The following PPP1R1C variants were observed in gnomAD, a reference collection of about 807,000 sequenced individuals.
The protein encoded by PPP1R1C is protein phosphatase 1 regulatory inhibitor subunit 1C.
A neutral mutation model predicts 17.4 loss-of-function variants in PPP1R1C; 15 were observed. That is an observed-to-expected ratio of 0.86 (90% CI 0.58 to 1.33). PPP1R1C has a LOEUF of 1.33. PPP1R1C is among the 40% of genes most tolerant of loss of function. The probability of loss-of-function intolerance (pLI) is 0.00; values close to 1 mark genes in which losing one functional copy is unlikely to be tolerated. For synonymous variants in PPP1R1C, 35 were observed against 43.1 expected (o/e 0.81, Z 0.73); for missense variants, 143 against 130.0 (o/e 1.10, Z -0.48).
intron 2 of PPP1R1C, among the ~76,000 whole-genome samples, chr2:182,015,233 T>C (rs1686224833): frequency 6.6e-6 from 1 of 152,162 alleles, no homozygotes; most frequent in African/African-American, 2.4e-5. Flanking sequence ...ATGGGGGCAG[T>C]TTACCCCGTA....
At chr2:182,081,313 A>C (rs1223076268) in intron 4 of PPP1R1C, among the ~76,000 whole-genome samples, 1 of 152,208 alleles carries the variant, frequency 6.6e-6, no homozygotes, top group Non-Finnish European at 1.5e-5. Context: ...AATAGCGGCT[A>C]TCAGTATTGT....
At chr2:182,124,314 G>GTTTTTTTTTTTTTTTT (rs796745919) in intron 5 of PPP1R1C, among the ~76,000 whole-genome samples, 3 of 42,096 alleles carry the variant, frequency 7.1e-5, no homozygotes, top group Admixed American at 2.5e-4. Context: ...GTTTTTTTTT[G>GTTTTTTTTTTTTTTTT]TTTTTTTTTT....
Position 182,126,010 on chromosome 2 carries a change from T to C in PPP1R1C, c.*7-2964T>C, listed in dbSNP as rs913025173. 2.0e-5 allele frequency among the ~76,000 whole-genome samples: 3 copies of C among 152,152 alleles called. 1 individual carries two copies. Among genetic ancestry groups the C allele is most frequent in the Admixed American group, 2.0e-4 (3 of 15,244 alleles). On this transcript the variant is annotated intron_variant, in intron 5 of 5. Transcript: ENST00000280295. ...TTCTTTTAATTGTGATGTTAGGGTG[T>C]CAATTTTAGATCTTTCCCACTTTCT...
At chr2:182,039,246 T>C (rs1687108412) in intron 2 of PPP1R1C, among the ~76,000 whole-genome samples, 1 of 152,248 alleles carries the variant, frequency 6.6e-6, no homozygotes, top group Non-Finnish European at 1.5e-5. Context: ...TATGTTATCA[T>C]CTTTGATTGT....
At chr2:182,070,600 A>T (rs551562726) in intron 4 of PPP1R1C, among the ~76,000 whole-genome samples, 122 of 152,366 alleles carry the variant, frequency 8.0e-4, no homozygotes, top group Non-Finnish European at 1.3e-3. Flanking sequence ...GAGTTTTCAT[A>T]TACCCCATAT....
At chr2:181,958,440 G>C (rs777502203) in intron 1 of PPP1R1C, among the ~76,000 whole-genome samples, 1 of 152,162 alleles carries the variant, frequency 6.6e-6, no homozygotes, top group Non-Finnish European at 1.5e-5. Flanking sequence ...CAAAAGCTGG[G>C]GATGGGCATA....
In PPP1R1C at chr2:181,961,455, C is replaced by G. The variant is rs1684792866; in HGVS notation, n.111+6821C>G. 1 of 943,084 alleles carries G rather than the reference C, an allele frequency of 1.1e-6. No homozygotes were observed. The highest frequency in any genetic ancestry group is 3.0e-4 in the Middle Eastern group (1 of 3,320). The allele number at this position is 943,084 out of a possible 1,614,324, so 58.4% of individuals were successfully genotyped here. On this transcript the variant is annotated intron_variant and non_coding_transcript_variant, in intron 1 of 5. Coordinates refer to the PPP1R1C transcript ENST00000464264. This position sits in a 1 kb window ranked among gnomAD's most constrained non-coding sequence, Gnocchi z 5.8. ...GTGCCATCTCTGACTCCAGGTGCAG[C>G]AGGATCCTGTTGAGCTGCTCCATCT...
chr2:181,990,896 T>G (rs1487552983), intron 2 of PPP1R1C, among the ~76,000 whole-genome samples: 1 of 152,220 alleles, frequency 6.6e-6, no homozygotes, highest in Non-Finnish European at 1.5e-5. Flanking sequence ...ATCTCTTCAA[T>G]TCACTGAAAT....
At chr2:181,973,405 A>G (rs534031140) in intron 1 of PPP1R1C, among the ~76,000 whole-genome samples, 1 of 152,234 alleles carries the variant, frequency 6.6e-6, no homozygotes, top group East Asian at 1.9e-4. Context: ...TGCTAAACTG[A>G]AGCAACATAA....
At chr2:182,114,953 AT>A (rs895117156) in intron 4 of PPP1R1C, among the ~76,000 whole-genome samples, 9 of 152,176 alleles carry the variant, frequency 5.9e-5, no homozygotes, top group African/African-American at 2.2e-4. Flanking sequence ...AAACATCTTA[AT>A]TACTGATTTT....
downstream of PPP1R1C, among the ~76,000 whole-genome samples, chr2:182,119,410 G>C (rs1689674015): frequency 6.6e-6 from 1 of 152,024 alleles, no homozygotes; most frequent in Admixed American, 6.6e-5. Context: ...TAATCCTTTG[G>C]GTATATACCC....
At chr2:182,114,570 G>T (rs537502808) in intron 4 of PPP1R1C, among the ~76,000 whole-genome samples, 18 of 152,208 alleles carry the variant, frequency 1.2e-4, no homozygotes, top group African/African-American at 3.9e-4. Context: ...GAGAGAGATT[G>T]CCTTGAAGGC....
At chr2:181,970,433 A>G (rs914187086) in intron 1 of PPP1R1C, among the ~76,000 whole-genome samples, 2 of 152,132 alleles carry the variant, frequency 1.3e-5, no homozygotes, top group African/African-American at 4.8e-5. Flanking sequence ...TAAGATCTTG[A>G]AGTATTCTCT....
chr2:181,955,229 C>T (rs981802735), intron 1 of PPP1R1C, among the ~76,000 whole-genome samples: 1 of 152,210 alleles, frequency 6.6e-6, no homozygotes, highest in South Asian at 2.1e-4. Context: ...TATTTGAAAA[C>T]TCCCTTGATT....
chr2:181,999,649 C>T (rs1685704163), intron 2 of PPP1R1C, among the ~76,000 whole-genome samples: 1 of 151,888 alleles, frequency 6.6e-6, no homozygotes, highest in African/African-American at 2.4e-5. Flanking sequence ...TGTATTTCAT[C>T]TTTATTCCAA....
intron 1 of PPP1R1C, among the ~76,000 whole-genome samples, chr2:181,987,523 A>G (rs1685333744): frequency 6.6e-6 from 1 of 152,232 alleles, no homozygotes; most frequent in Non-Finnish European, 1.5e-5. Flanking sequence ...CAAGCAAGCC[A>G]CTAACATTAT....
At chr2:182,085,234 A>G (rs1468110301) in intron 4 of PPP1R1C, among the ~76,000 whole-genome samples, 10 of 152,164 alleles carry the variant, frequency 6.6e-5, no homozygotes, top group Admixed American at 2.0e-4. Flanking sequence ...CTGTTTTCCA[A>G]TTTGAATGCC....
rs774880276 is a variant in PPP1R1C, at chr2:181,986,198, G to A, written c.81+7G>A. On this transcript the variant is annotated splice_region_variant and intron_variant, in intron 1 of 4. Coordinates refer to ENST00000682840, the MANE Select transcript of PPP1R1C (RefSeq NM_001080545.3). Reference sequence around the variant, plus strand: ...ACCTGAAGCAGCAGAGCAGGTATGTGAAATTGCATGGAGAACCATTCCTGT... The same window carrying A: ...ACCTGAAGCAGCAGAGCAGGTATGTAAAATTGCATGGAGAACCATTCCTGT... 1.2e-6 allele frequency: 2 copies of A among 1,601,674 alleles called. No homozygotes were observed. Among genetic ancestry groups the A allele is most frequent in the East Asian group, 2.2e-5 (1 of 44,814 alleles).
rs370009477 is a variant in PPP1R1C at position 182,012,568 on chromosome 2, C to G, written c.142+24669C>G. 3.3e-5 allele frequency among the ~76,000 whole-genome samples: 5 copies of G among 152,068 alleles called. 1 individual carries two copies. Among genetic ancestry groups the G allele is most frequent in the South Asian group, 2.1e-4 (1 of 4,814 alleles). On this transcript the variant is annotated intron_variant, in intron 2 of 4. Transcript: ENST00000682840. ...TTTTAAAAAAAACCTTTTAGCCACT[C>G]TATGTCTTTTGACTGGAGAGTTTAG...
Sources: gnomAD v4.1 joint callset for allele counts (sites outside exome capture counted in the v4.1 genomes callset) on GRCh38, gnomAD v4.1.1 for gene constraint, Gnocchi (gnomAD v3.1) non-coding constraint, MANE v1.5 for transcripts, NCBI Gene and HGNC (gene_info 2026-07-23, HGNC 2026-07-21) for gene names.